MYT1L: variants seen among roughly 807,000 people sequenced by gnomAD.
The protein encoded by MYT1L is myelin transcription factor 1 like, also known as myelin transcription factor 1-like protein.
MYT1L carries 12 observed loss-of-function variants against 126.7 expected under a neutral mutation model. That is an observed-to-expected ratio of 0.09 (90% CI 0.06 to 0.15). The LOEUF is 0.15. MYT1L is among the 10% of genes least tolerant of loss of function. MYT1L has a pLI of 1.00. For missense variants in MYT1L, 979 were observed against 1,585.2 expected, an observed-to-expected ratio of 0.62 and a Z score of 6.49; for synonymous variants, 541 against 604.2, an observed-to-expected ratio of 0.90 and a Z score of 1.53.
At chr2:2,133,662 C>G (rs1483178022) in intron 3 of MYT1L, among the ~76,000 whole-genome samples, 1 of 152,094 alleles carries the variant, frequency 6.6e-6, no homozygotes, top group African/African-American at 2.4e-5. Flanking sequence ...GTCTCCAAAT[C>G]ACAACACACT....
At chr2:2,122,243 A>G (rs78709135) in intron 3 of MYT1L, among the ~76,000 whole-genome samples, 1,723 of 152,276 alleles carry the variant, frequency 0.011, 31 homozygotes, top group African/African-American at 0.039. Flanking sequence ...TGTATGTGCC[A>G]TCTTGGACGA....
intron 4 of MYT1L, among the ~76,000 whole-genome samples, chr2:2,037,108 T>G (rs2066944300): frequency 6.6e-6 from 1 of 152,196 alleles, no homozygotes; most frequent in Non-Finnish European, 1.5e-5. Context: ...TAGCTGTGGT[T>G]TTCCTTGGAA....
intron 11 of MYT1L, among the ~76,000 whole-genome samples, chr2:1,916,740 A>G (rs1332752458): frequency 6.6e-6 from 1 of 152,250 alleles, no homozygotes; most frequent in South Asian, 2.1e-4. Context: ...GAAATGCAAT[A>G]AAACTTCAGA....
rs544776561 is a variant in MYT1L, at chr2:2,042,790, C to T, written c.-158+11188G>A. Among the ~76,000 whole-genome samples, 8 of 152,316 alleles carry T rather than the reference C, an allele frequency of 5.3e-5. No homozygotes were observed. In the South Asian group the frequency reaches 1.7e-3, roughly 32 times the overall value. ...CCCTTCGTCTCTAAGCCTCAAACGC[C>T]CGGCATGCATCCAGCTCTCACCACA... On this transcript the variant is annotated intron_variant, in intron 4 of 24. Transcript: ENST00000647738.
At chr2:2,129,885 G>A (rs1372505027) in intron 3 of MYT1L, among the ~76,000 whole-genome samples, 6 of 142,308 alleles carry the variant, frequency 4.2e-5, no homozygotes, top group African/African-American at 8.1e-5. Flanking sequence ...CTGCCTGGGC[G>A]ACAGAGCGAG....
chr2:2,314,814 G>T (rs2096037410), intron 1 of MYT1L, among the ~76,000 whole-genome samples: 1 of 152,056 alleles, frequency 6.6e-6, no homozygotes, highest in African/African-American at 2.4e-5. Flanking sequence ...GTATGGTACT[G>T]GTACAGAAAC....
intron 8 of MYT1L, among the ~76,000 whole-genome samples, chr2:1,962,843 G>A (rs1041672160): frequency 2.6e-5 from 4 of 152,190 alleles, no homozygotes; most frequent in Non-Finnish European, 5.9e-5. Context: ...CATCTGCAGT[G>A]ACTTCCTCTG....
At chr2:2,304,057 A>G (rs1293648042) in intron 1 of MYT1L, 3 of 152,230 alleles carry the variant, frequency 2.0e-5, no homozygotes, top group African/African-American at 7.2e-5. Flanking sequence ...ATTATGTGGA[A>G]ACAAGAAACA....
chr2:2,025,005 G>C (rs2065395154), intron 4 of MYT1L, among the ~76,000 whole-genome samples: 1 of 152,206 alleles, frequency 6.6e-6, no homozygotes, highest in African/African-American at 2.4e-5. Flanking sequence ...GGCTCCCGTG[G>C]GTCTGTTTTT....
At position 1,979,219 on chromosome 2, in the gene MYT1L, G is replaced by A. The variant is rs370138634; in HGVS notation, c.98C>T (p.Thr33Ile). The change falls in exon 8 of 25, where the codon ACC becomes ATC. Residue 33 changes from threonine to isoleucine, a missense_variant. Around this residue, in one of 12 missense-constraint regions of MYT1L, gnomAD observed 50 missense variants for 48.6 expected, o/e 1.03. Coordinates refer to ENST00000647738, the MANE Select transcript of MYT1L (RefSeq NM_001303052.2). The surrounding 1 kb of genome is among the most constrained non-coding windows in gnomAD (Gnocchi z 4.0). ...ATGACCACTGCCGTCACAGCCAGGG[G>A]TGGGACAGCTGCAACAGGAAAGAAT... is the stretch of plus-strand genomic sequence containing the variant. The part of the protein sequence containing the change: ...PAIQELFSCP[T>I]PGCDGSGHVS... 1.9e-6 allele frequency: 3 copies of A among 1,613,730 alleles called. No homozygotes were observed. The highest frequency in any genetic ancestry group is 2.7e-5 in the African/African-American group (2 of 74,928).
At chr2:1,940,660 G>A (rs1230374401) in intron 9 of MYT1L, among the ~76,000 whole-genome samples, 2 of 152,258 alleles carry the variant, frequency 1.3e-5, no homozygotes, top group African/African-American at 4.8e-5. Context: ...TAGCTCACTT[G>A]ATTCCTTTAA....
At chr2:1,995,773 A>C (rs562781410) in intron 5 of MYT1L, among the ~76,000 whole-genome samples, 38 of 152,282 alleles carry the variant, frequency 2.5e-4, no homozygotes, top group Admixed American at 2.1e-3. Flanking sequence ...CTCCTTTATC[A>C]AGGGGAGTCC....
chr2:1,914,200 G>A (rs1462237215), intron 11 of MYT1L, among the ~76,000 whole-genome samples: 1 of 151,958 alleles, frequency 6.6e-6, no homozygotes, highest in Non-Finnish European at 1.5e-5. Context: ...GTTGCAGTGA[G>A]CCGAGATTAC....
chr2:1,798,428 C>T (rs1270980973), intron 23 of MYT1L, among the ~76,000 whole-genome samples: 1 of 152,208 alleles, frequency 6.6e-6, no homozygotes, highest in Non-Finnish European at 1.5e-5. Flanking sequence ...CTGACCCTAC[C>T]GTTCTTTCCT....
chr2:2,037,317 C>T (rs2066971879), intron 4 of MYT1L, among the ~76,000 whole-genome samples: 1 of 152,180 alleles, frequency 6.6e-6, no homozygotes. Flanking sequence ...CTCTATCACC[C>T]AGCACAGAGC....
At chr2:2,125,874 C>T (rs1391369302) in intron 3 of MYT1L, among the ~76,000 whole-genome samples, 1 of 152,148 alleles carries the variant, frequency 6.6e-6, no homozygotes, top group Non-Finnish European at 1.5e-5. Context: ...ACTTTTCAAA[C>T]ACACCAAGAG....
In MYT1L at chr2:1,922,541, C is replaced by T. The variant is rs1489543411; in HGVS notation, c.1228G>A (p.Asp410Asn). ...AKEDGCHERD[D>N]DTTSVNSDRS... is the part of the protein sequence containing the mutation. ...TCCGAGTTCACAGAGGTGGTATCGT[C>T]GTCCCGCTCATGACACCCATCCTCC... Residue 410 changes from aspartate to asparagine, a missense_variant, in exon 10 of 25, where the codon GAC (aspartate) becomes AAC (asparagine). By Grantham distance (23) the Asp-to-Asn change is conservative (BLOSUM62 1). Transcript: ENST00000647738. This position sits in a 1 kb window ranked among gnomAD's most constrained non-coding sequence, Gnocchi z 7.4. 1.2e-6 allele frequency: 2 copies of T among 1,613,950 alleles called. No homozygotes were observed. The highest frequency in any genetic ancestry group is 1.1e-5 in the South Asian group (1 of 91,070).
chr2:2,138,767 C>T (rs1346244485), intron 3 of MYT1L, among the ~76,000 whole-genome samples: 8 of 146,836 alleles, frequency 5.4e-5, no homozygotes, highest in South Asian at 4.4e-4. Flanking sequence ...GTGGGTGCAG[C>T]GCACCAGCAT....
intron 18 of MYT1L, among the ~76,000 whole-genome samples, chr2:1,884,500 T>C (rs770158911): frequency 1.3e-5 from 2 of 152,208 alleles, no homozygotes; most frequent in African/African-American, 2.4e-5. Context: ...AATTACAAGG[T>C]TAAAGCAAAG....
Sources: allele counts gnomAD v4.1 joint callset (sites outside exome capture counted in the v4.1 genomes callset), GRCh38; gene constraint gnomAD v4.1.1; regional missense constraint gnomAD v4.1.1; non-coding constraint Gnocchi (gnomAD v3.1); transcripts MANE v1.5; gene names NCBI Gene and HGNC (gene_info 2026-07-23, HGNC 2026-07-21).